Variants in DGKB observed in about 807,000 individuals in gnomAD.
The protein encoded by DGKB is diacylglycerol kinase beta, also known as 90 kDa diacylglycerol kinase.
A neutral mutation model predicts 114.3 loss-of-function variants in DGKB; 67 were observed. That is an observed-to-expected ratio of 0.59 (90% CI 0.48 to 0.72). The LOEUF (loss-of-function observed/expected upper bound fraction) is 0.72. DGKB is among the 30% of genes least tolerant of loss of function. DGKB has a pLI of 0.00. For synonymous variants in DGKB, 398 were observed against 323.1 expected, an observed-to-expected ratio of 1.23 and a Z score of -2.49; for missense variants, 907 against 975.2, an observed-to-expected ratio of 0.93 and a Z score of 0.93.
intron 21 of DGKB, among the ~76,000 whole-genome samples, chr7:14,419,327 C>A (rs1826303589): frequency 6.6e-6 from 1 of 151,820 alleles, no homozygotes; most frequent in Non-Finnish European, 1.5e-5. Flanking sequence ...ATGCTGTAAT[C>A]AAAATTGTAC....
At chr7:14,859,809 C>G (rs10950539) in intron 1 of DGKB, among the ~76,000 whole-genome samples, 16,120 of 152,048 alleles carry the variant, frequency 0.11, 1,601 homozygotes, top group East Asian at 0.29. Context: ...ATGCATAACT[C>G]TGCGTCTCAC....
At chr7:14,970,811 A>G (rs1562913561) in intron 1 of DGKB, among the ~76,000 whole-genome samples, 2 of 152,048 alleles carry the variant, frequency 1.3e-5, no homozygotes, top group Non-Finnish European at 2.9e-5. Flanking sequence ...TCTCTTTCAA[A>G]TGTTAACCCC....
chr7:14,669,375 C>G (rs371582952), intron 13 of DGKB, among the ~76,000 whole-genome samples: 1 of 152,108 alleles, frequency 6.6e-6, no homozygotes, highest in African/African-American at 2.4e-5. Flanking sequence ...ACACTCAGGG[C>G]TAGCCACTAA....
At chr7:14,150,630 C>G (rs949512418) in intron 25 of DGKB, among the ~76,000 whole-genome samples, 1 of 152,098 alleles carries the variant, frequency 6.6e-6, no homozygotes, top group African/African-American at 2.4e-5. Context: ...GCCTCAAACT[C>G]TATGGATATC....
intron 21 of DGKB, among the ~76,000 whole-genome samples, chr7:14,464,389 T>A (rs190309966): frequency 6.6e-6 from 1 of 152,192 alleles, no homozygotes; most frequent in African/African-American, 2.4e-5. Flanking sequence ...ATGAATTAAA[T>A]AAGACAAAGT....
At chr7:14,963,443 A>G (rs549127509) in intron 1 of DGKB, among the ~76,000 whole-genome samples, 1 of 152,294 alleles carries the variant, frequency 6.6e-6, no homozygotes, top group East Asian at 1.9e-4. Context: ...AAATTTGCCA[A>G]AATAAAAGTT....
chr7:14,840,752 C>G (rs2128137565), intron 2 of DGKB, among the ~76,000 whole-genome samples: 1 of 148,158 alleles, frequency 6.7e-6, no homozygotes, highest in South Asian at 2.2e-4. Context: ...ACACCTCTCC[C>G]TTTTCCCTCC....
At chr7:14,458,963 T>C (rs1015358065) in intron 21 of DGKB, among the ~76,000 whole-genome samples, 26 of 152,214 alleles carry the variant, frequency 1.7e-4, no homozygotes, top group African/African-American at 5.1e-4. Context: ...CTTGAAATTC[T>C]CGCTGTCAGC....
intron 21 of DGKB, among the ~76,000 whole-genome samples, chr7:14,422,054 G>T (rs143050078): frequency 6.6e-6 from 1 of 151,876 alleles, no homozygotes; most frequent in Admixed American, 6.6e-5. Flanking sequence ...TAAAAATATT[G>T]ATATGTTTAC....
chr7:14,348,667 A>G (rs1206115212), intron 21 of DGKB, among the ~76,000 whole-genome samples: 4 of 152,026 alleles, frequency 2.6e-5, no homozygotes, highest in African/African-American at 7.2e-5. Flanking sequence ...AGCTGAACAT[A>G]AAAACACTGG....
In DGKB at chr7:14,411,791, AGAT is replaced by A. The variant is rs1824923747; in HGVS notation, c.1835+66367_1835+66369del. On this transcript the variant is annotated intron_variant, in intron 21 of 25. Coordinates refer to ENST00000402815, the MANE Select transcript of DGKB (RefSeq NM_001350709.2). ...TTCTTTTTTTTCTGGAAATAATTATAGATACAAAGAAAGCTCTGTATACAAAGA... is the reference window on the plus strand; with the variant it reads ...TTCTTTTTTTTCTGGAAATAATTATAACAAAGAAAGCTCTGTATACAAAGA... Among the ~76,000 whole-genome samples, 2 of 10,630 alleles carry A rather than the reference AGAT, an allele frequency of 1.9e-4. 1 individual carries two copies. The allele number at this position is 10,630 out of a possible 152,430, so 7.0% of individuals were successfully genotyped here. A position where few individuals can be genotyped will look rare whatever the true frequency, so the allele number is the denominator to read the frequency against.
chr7:14,584,935 C>T (rs182646356), intron 17 of DGKB, among the ~76,000 whole-genome samples: 65 of 152,264 alleles, frequency 4.3e-4, no homozygotes, highest in Middle Eastern at 3.4e-3. Flanking sequence ...GCTGGGATTA[C>T]AGGTGTGAGC....
At chr7:14,188,539 A>G (rs1584340298) in intron 23 of DGKB, among the ~76,000 whole-genome samples, 1 of 144,570 alleles carries the variant, frequency 6.9e-6, no homozygotes, top group South Asian at 2.2e-4. Context: ...GGGCGCCTGT[A>G]GTCCCAGCTA....
At chr7:14,240,691 A>G (rs1385468741) in intron 23 of DGKB, among the ~76,000 whole-genome samples, 1 of 151,966 alleles carries the variant, frequency 6.6e-6, no homozygotes, top group Non-Finnish European at 1.5e-5. Context: ...GGGTCTCCTT[A>G]TTTACTTATA....
chr7:14,246,366 A>G (rs1026959671), intron 23 of DGKB, among the ~76,000 whole-genome samples: 1 of 152,172 alleles, frequency 6.6e-6, no homozygotes, highest in Admixed American at 6.6e-5. Flanking sequence ...AATGTTAAGT[A>G]CTTTGCCTAA....
At chr7:14,698,864 A>T (rs1233159282) in intron 7 of DGKB, among the ~76,000 whole-genome samples, 1 of 152,180 alleles carries the variant, frequency 6.6e-6, no homozygotes, top group Admixed American at 6.5e-5. Flanking sequence ...AAGATTAAAC[A>T]TGGCTTTGTG....
intron 6 of DGKB, among the ~76,000 whole-genome samples, chr7:14,717,840 A>G (rs1200461082): frequency 2.6e-5 from 4 of 152,140 alleles, no homozygotes. Flanking sequence ...AGATGATCAA[A>G]TGATCAGGTT....
At chr7:14,490,840 A>G (rs553100290) in intron 20 of DGKB, among the ~76,000 whole-genome samples, 1 of 152,046 alleles carries the variant, frequency 6.6e-6, no homozygotes, top group Non-Finnish European at 1.5e-5. Flanking sequence ...ATTTCACTCA[A>G]TTATTTTTCT....
chr7:14,216,658 GGA>G (rs1789010702), intron 23 of DGKB, among the ~76,000 whole-genome samples: 1 of 150,346 alleles, frequency 6.7e-6, no homozygotes, highest in Non-Finnish European at 1.5e-5. Context: ...CCCGGGAGGT[GGA>G]GGTTGCAGTG....
Sources: allele counts gnomAD v4.1 joint callset (sites outside exome capture counted in the v4.1 genomes callset), GRCh38; gene constraint gnomAD v4.1.1; transcripts MANE v1.5; gene names NCBI Gene and HGNC (gene_info 2026-07-23, HGNC 2026-07-21).